Variants in ANK2 observed in about 807,000 individuals in gnomAD.
ANK2 encodes ankyrin-2.
A neutral mutation model predicts 360.5 loss-of-function variants in ANK2; 83 were observed. The ratio of observed to expected loss-of-function variants is 0.23; its 90% CI spans 0.19 to 0.28. The LOEUF (loss-of-function observed/expected upper bound fraction) is 0.28. Ranked by LOEUF, ANK2 falls within the 10% of genes least tolerant of loss-of-function variation. The pLI is 1.00. For synonymous variants in ANK2, 1,740 were observed against 1,759.5 expected (o/e 0.99, Z 0.28); for missense variants, 4,201 against 4,795.7 (o/e 0.88, Z 3.66).
chr4:113,065,358 T>C (rs1378547379), intron 1 of ANK2, among the ~76,000 whole-genome samples: 1 of 152,208 alleles, frequency 6.6e-6, no homozygotes, highest in Non-Finnish European at 1.5e-5. Context: ...GCAAAATCAG[T>C]ATATATGTGA....
At chr4:113,253,427 G>A (rs80244955) in intron 10 of ANK2, among the ~76,000 whole-genome samples, 3,474 of 152,196 alleles carry the variant, frequency 0.023, 59 homozygotes, top group Non-Finnish European at 0.032. Flanking sequence ...CCAGAATTCC[G>A]TATGTAGATG....
chr4:113,346,159 G>T lies in ANK2; in HGVS notation c.4371+137G>T. On this transcript the variant is annotated intron_variant, in intron 35 of 45. Transcript: ENST00000357077. ...ACCTAATAAAATGAATACCAACAAA[G>T]ACTGATTGAAAGCATGTGTAATAAT... 3.0e-6 allele frequency: 3 copies of T among 1,012,692 alleles called. No individual in the cohort carries two copies. In the South Asian group the frequency reaches 4.1e-5, roughly 14 times the overall value. 62.7% of individuals were successfully genotyped at this position (1,012,692 alleles called of 1,614,324 possible).
chr4:112,782,064 G>C, the ANK2 span, among the ~76,000 whole-genome samples: 1 of 152,090 alleles, frequency 6.6e-6, no homozygotes, highest in South Asian at 2.1e-4. Flanking sequence ...TCCTGACCTC[G>C]TGATCCGCCA....
chr4:113,244,251 TGA>T (rs56311629), intron 9 of ANK2, among the ~76,000 whole-genome samples: 101,883 of 151,780 alleles, frequency 0.67, 34,955 homozygotes, highest in South Asian at 0.78. Context: ...AAATAACTAT[TGA>T]GTTCCTACTT....
At chr4:113,068,649 A>G (rs1400471659) in intron 1 of ANK2, among the ~76,000 whole-genome samples, 1 of 152,224 alleles carries the variant, frequency 6.6e-6, no homozygotes, top group African/African-American at 2.4e-5. Flanking sequence ...CATTACAGAG[A>G]GAAATGACAT....
chr4:113,287,772 G>A, intron 19 of ANK2, 69 bp downstream of exon 19: 1 of 1,291,092 alleles, frequency 7.7e-7, no homozygotes, highest in South Asian at 1.2e-5. Flanking sequence ...CCCCATTCGG[G>A]TCACCCCATG....
At chr4:112,983,419 G>A (rs1359700641) in intron 2 of ANK2, among the ~76,000 whole-genome samples, 2 of 151,600 alleles carry the variant, frequency 1.3e-5, no homozygotes, top group East Asian at 1.9e-4. Flanking sequence ...GCTCACGCCT[G>A]TAATTCCAGC....
rs60272903 is a variant in ANK2, at chr4:112,829,491, C to CAAAAA, written c.-40+11242_-40+11246dup. On this transcript the variant is annotated intron_variant, in intron 1 of 30. Transcript: ENST00000503271. ...GCAACATAGTATGAGCCCATCTCTA[C>CAAAAA]AAAAAAAAAAAAAAAAAAAGGAAGG... Among the ~76,000 whole-genome samples the CAAAAA allele has an allele frequency of 2.1e-3, 127 of 60,718 alleles. 15 individuals are homozygous for CAAAAA. The highest frequency in any genetic ancestry group is 7.4e-3 in the African/African-American group (91 of 12,360). The allele number at this position is 60,718 out of a possible 152,430, so 39.8% of individuals were successfully genotyped here.
Position 113,242,112 on chromosome 4 carries a change from A to G in ANK2, c.794A>G (p.Asn265Ser), listed in dbSNP as rs2040298236. The change falls in exon 9 of 46, where the codon AAT becomes AGT. Residue 265 changes from asparagine (N) to serine (S), a missense_variant and splice_region_variant. Transcript: ENST00000357077. The part of the protein sequence containing the change: ...RGAAVDFTAR[N>S]GITPLHVASK... Reference sequence around the variant, plus strand: ...TTGTTTGGTCTTTCTGTGGTGTAGAATGGAATCACTCCTCTGCATGTGGCT... The same window carrying G: ...TTGTTTGGTCTTTCTGTGGTGTAGAGTGGAATCACTCCTCTGCATGTGGCT... The G allele has an allele frequency of 6.2e-7, 1 of 1,612,980 alleles. No individual in the cohort carries two copies. Among genetic ancestry groups the G allele is most frequent in the Non-Finnish European group, 8.5e-7 (1 of 1,179,144 alleles).
chr4:113,372,630 C>A (rs530827978), intron 43 of ANK2: 3 of 1,530,026 alleles, frequency 2.0e-6, no homozygotes, highest in Non-Finnish European at 2.6e-6. Flanking sequence ...ATTCAGGTAC[C>A]CACTGTTAAA....
chr4:113,356,192 C>T lies in ANK2; in HGVS notation c.7574C>T (p.Thr2525Ile), dbSNP rs765249381. The T allele has an allele frequency of 1.9e-6, 3 of 1,613,938 alleles. No individual in the cohort carries two copies. Among genetic ancestry groups the T allele is most frequent in the East Asian group, 2.2e-5 (1 of 44,832 alleles). Residue 2525 changes from threonine (T) to isoleucine (I), a missense_variant, in exon 38 of 46, where the codon ACA (threonine) becomes ATA (isoleucine). Transcript: ENST00000357077. ...GSAEDDSLEQTSLMESSGKSP... is the reference protein window; with the variant it reads ...GSAEDDSLEQISLMESSGKSP... ...GCTGAGGATGACAGTCTTGAGCAGACATCGCTCATGGAGAGCTCAGGGAAG... is the reference window on the plus strand; with the variant it reads ...GCTGAGGATGACAGTCTTGAGCAGATATCGCTCATGGAGAGCTCAGGGAAG...
intron 1 of ANK2, among the ~76,000 whole-genome samples, chr4:113,137,928 C>G (rs1022750176): frequency 1.3e-5 from 2 of 152,166 alleles, no homozygotes; most frequent in Admixed American, 6.5e-5. Context: ...AATGAAATAA[C>G]AGCATTGACT....
At chr4:112,806,873 C>T in the ANK2 span, among the ~76,000 whole-genome samples, 2 of 152,100 alleles carry the variant, frequency 1.3e-5, no homozygotes, top group African/African-American at 4.8e-5. Context: ...GATTTCCTTT[C>T]TTCTGGATGT....
rs1182534110 is a variant in ANK2 at position 112,858,352 on chromosome 4, T to C, written c.-40+40088T>C. Among the ~76,000 whole-genome samples, 3 of 152,208 alleles carry C rather than the reference T, an allele frequency of 2.0e-5. No homozygotes were observed. The East Asian group carries it at 5.8e-4, about 29-fold the overall frequency. On this transcript the variant is annotated intron_variant, in intron 1 of 30. Transcript: ENST00000503271. ...GCACAGACTATGTGCTAGGCATTCT[T>C]CAAGGTGCTTTTTATACGTTACCTT... is the stretch of plus-strand genomic sequence containing the variant.
chr4:112,995,780 A>C (rs911565838), intron 2 of ANK2, among the ~76,000 whole-genome samples: 3 of 152,166 alleles, frequency 2.0e-5, no homozygotes, highest in African/African-American at 7.2e-5. Flanking sequence ...GGTGATAGGT[A>C]GGGGTCCAGT....
chr4:112,705,848 G>C, the ANK2 span, among the ~76,000 whole-genome samples: 1 of 152,074 alleles, frequency 6.6e-6, no homozygotes. Flanking sequence ...CGGGCGCGGC[G>C]CTGGGAAGGG....
intron 4 of ANK2, among the ~76,000 whole-genome samples, chr4:113,227,704 A>G (rs1585350128): frequency 6.6e-6 from 1 of 152,170 alleles, no homozygotes; most frequent in East Asian, 1.9e-4. Flanking sequence ...AGTAACTGCC[A>G]CCTGCCTGTC....
intron 1 of ANK2, among the ~76,000 whole-genome samples, chr4:113,091,659 G>A (rs2088239007): frequency 6.6e-6 from 1 of 152,224 alleles, no homozygotes; most frequent in African/African-American, 2.4e-5. Flanking sequence ...CCATCCCTTT[G>A]AGATAGATAT....
At chr4:112,713,788 G>T in the ANK2 span, among the ~76,000 whole-genome samples, 1 of 151,860 alleles carries the variant, frequency 6.6e-6, no homozygotes, top group Non-Finnish European at 1.5e-5. Context: ...AAAAAAATTA[G>T]CCGGGCGTGG....
Sources: gnomAD v4.1 joint callset for allele counts (sites outside exome capture counted in the v4.1 genomes callset) on GRCh38, gnomAD v4.1.1 for gene constraint, MANE v1.5 for transcripts, NCBI Gene and HGNC (gene_info 2026-07-23, HGNC 2026-07-21) for gene names.